The following TMEM127 variants were observed in gnomAD, a reference collection of about 807,000 sequenced individuals.
TMEM127 encodes transmembrane protein 127.
In TMEM127, 21 loss-of-function variants were observed where a neutral mutation model predicts 20.1. The observed-to-expected ratio is 1.04, with a 90% CI of 0.74 to 1.50. TMEM127 has a LOEUF of 1.50. Among genes scored for constraint, TMEM127 ranks in the 40% most tolerant of loss-of-function variants. The pLI is 0.00. For missense variants in TMEM127, 303 were observed against 317.4 expected (o/e 0.95, Z 0.34); for synonymous variants, 150 against 144.7 (o/e 1.04, Z -0.26).
chr2:96,265,245 G>C lies in TMEM127; in HGVS notation c.137C>G (p.Thr46Ser), dbSNP rs1327376770. ...PGALSITALC[T>S]ALAEPAWLHI... ...CAACCAGGCGGGCTCGGCGAGGGCA[G>C]TGCACAGCGCCGTGATAGACAGGGC... Residue 46 changes from threonine to serine, a missense_variant, in exon 2 of 4, where the codon ACT (threonine) becomes AGT (serine). Physicochemically the swap from Thr to Ser is moderately conservative, Grantham distance 58. Transcript: ENST00000258439. 3 of 1,595,728 alleles carry C rather than the reference G, an allele frequency of 1.9e-6. No individual in the cohort carries two copies. The highest frequency in any genetic ancestry group is 2.6e-6 in the Non-Finnish European group (3 of 1,175,008).
intron 3 of TMEM127, 71 bp from the exon 4 acceptor site, chr2:96,254,186 A>G: frequency 6.3e-7 from 1 of 1,585,148 alleles, no homozygotes; most frequent in Non-Finnish European, 8.6e-7. Context: ...TGAGGACCCA[A>G]TCACAGCCTC....
chr2:96,253,551 G>A lies in TMEM127; in HGVS notation c.*257C>T. Reference sequence around the variant, plus strand: ...GAAACTTGGATGACCTTCCCTGGCTGGTAATGACTCGTGAATGTGAAGGGG... The same window carrying A: ...GAAACTTGGATGACCTTCCCTGGCTAGTAATGACTCGTGAATGTGAAGGGG... On this transcript the variant is annotated 3_prime_UTR_variant, in exon 4 of 4. Transcript: ENST00000258439. The surrounding 1 kb of genome is among the most constrained non-coding windows in gnomAD (Gnocchi z 4.3). 1 of 512,168 alleles carries A rather than the reference G, an allele frequency of 2.0e-6. No individual in the cohort carries two copies. The highest frequency in any genetic ancestry group is 3.5e-6 in the Non-Finnish European group (1 of 288,138). 31.7% of individuals were successfully genotyped at this position (512,168 alleles called of 1,614,324 possible).
In TMEM127 at chr2:96,249,003, A is replaced by G. The variant is rs62153027; in HGVS notation, c.*4805T>C. The G allele has an allele frequency of 0.022, 5,132 of 232,534 alleles. 75 individuals carry two copies. Among genetic ancestry groups the G allele is most frequent in the Non-Finnish European group, 0.033 (3,909 of 117,744 alleles). 14.4% of individuals were successfully genotyped at this position (232,534 alleles called of 1,614,324 possible). ...AACCCTCCAGCTCTGAGATCAGCCA[A>G]TCTTCCCTGGGCACTGCTCTCTCCC... On this transcript the variant is annotated 3_prime_UTR_variant, in exon 4 of 4. Coordinates refer to ENST00000258439, the MANE Select transcript of TMEM127 (RefSeq NM_017849.4).
intron 2 of TMEM127, 29 bp from the exon 3 acceptor site, chr2:96,255,026 C>T (rs1423081520): frequency 6.2e-7 from 1 of 1,613,694 alleles, no homozygotes; most frequent in African/African-American, 1.3e-5. Context: ...ATTTTCACGG[C>T]CCCAAGTAAC....
chr2:96,254,786 C>T, intron 3 of TMEM127, 47 bp downstream of exon 3: 2 of 1,612,572 alleles, frequency 1.2e-6, no homozygotes, highest in Non-Finnish European at 8.5e-7. Context: ...AGGATGCCCC[C>T]ACCCTGTAGC....
At chr2:96,262,867 T>C (rs1684336748) in intron 2 of TMEM127, among the ~76,000 whole-genome samples, 1 of 152,040 alleles carries the variant, frequency 6.6e-6, no homozygotes, top group South Asian at 2.1e-4. Context: ...TTAGTTGAGA[T>C]GGGGTTTCAC....
rs1558756480 is a variant in TMEM127 at position 96,265,151 on chromosome 2, C to T, written c.231G>A (p.Pro77=). The change falls in exon 2 of 4, where the codon CCG becomes CCA. Residue 77 remains proline (P), a synonymous_variant. Transcript: ENST00000258439. ...CAGCACCCTCACCTTTCAGCAGGTC[C>T]GGGTGCACATAGCCCAACACGTCGG... ...GVSDVLGYVH[P]DLLKDFCMNP... is the part of the protein sequence containing the mutation. 6.2e-7 allele frequency: 1 copy of T among 1,611,922 alleles called. No homozygotes were observed. Among genetic ancestry groups the T allele is most frequent in the Non-Finnish European group, 8.5e-7 (1 of 1,179,682 alleles).
At chr2:96,256,890 G>A (rs2104292181) in intron 2 of TMEM127, among the ~76,000 whole-genome samples, 1 of 152,308 alleles carries the variant, frequency 6.6e-6, no homozygotes, top group East Asian at 1.9e-4. Context: ...AAGGGACTCA[G>A]CAGACTCGGC....
intron 3 of TMEM127, 135 bp from the exon 4 acceptor site, chr2:96,254,250 G>A (rs184994982): frequency 6.7e-6 from 8 of 1,197,526 alleles, no homozygotes; most frequent in African/African-American, 1.5e-5. Flanking sequence ...TCTGCAAGGA[G>A]GAGCTCTCTT....
rs907449197 is a variant in TMEM127 at position 96,249,014 on chromosome 2, G to A, written c.*4794C>T. 2 of 233,876 alleles carry A rather than the reference G, an allele frequency of 8.6e-6. No homozygotes were observed. The highest frequency in any genetic ancestry group is 1.7e-5 in the Non-Finnish European group (2 of 118,808). 14.5% of individuals were successfully genotyped at this position (233,876 alleles called of 1,614,324 possible). On this transcript the variant is annotated 3_prime_UTR_variant, in exon 4 of 4. Transcript: ENST00000258439. ...TCTGAGATCAGCCAATCTTCCCTGG[G>A]CACTGCTCTCTCCCCCAGCAAAAAA...
chr2:96,257,891 GGTGACAGA>G lies in TMEM127; in HGVS notation c.245-2902_245-2895del, dbSNP rs1482124994. Among the ~76,000 whole-genome samples, 7 of 151,606 alleles carry G rather than the reference GGTGACAGA, an allele frequency of 4.6e-5. No homozygotes were observed. The Admixed American group carries it at 4.6e-4, about 10-fold the overall frequency. ...GATCACATCACTGCACTCCAGCCTT[GGTGACAGA>G]GTGACTCCGCCTCAAAAAAAAAAGT... On this transcript the variant is annotated intron_variant, in intron 2 of 3. Transcript: ENST00000258439.
Position 96,252,321 on chromosome 2 carries a change from A to G in TMEM127, c.*1487T>C. The G allele has an allele frequency of 4.3e-6, 1 of 233,092 alleles. No individual in the cohort carries two copies. Among genetic ancestry groups the G allele is most frequent in the East Asian group, 6.0e-5 (1 of 16,558 alleles). The allele number at this position is 233,092 out of a possible 1,614,324, so 14.4% of individuals were successfully genotyped here. On this transcript the variant is annotated 3_prime_UTR_variant, in exon 4 of 4. Transcript: ENST00000258439. The surrounding 1 kb of genome is among the most constrained non-coding windows in gnomAD (Gnocchi z 4.2). The stretch of plus-strand genomic sequence containing the variant: ...TAAAGGTTGGAAGAGATTGGAATCC[A>G]TTTCCTTTTCAGCTCAGCAGGGGAC...
chr2:96,249,605 A>G lies in TMEM127; in HGVS notation c.*4203T>C. Reference sequence around the variant, plus strand: ...AGACTGTCTCTACCCACCCCCACAAAAAAAACATTTTCTCTTCTCCACAAA... The same window carrying G: ...AGACTGTCTCTACCCACCCCCACAAGAAAAACATTTTCTCTTCTCCACAAA... On this transcript the variant is annotated 3_prime_UTR_variant, in exon 4 of 4. Coordinates refer to ENST00000258439, the MANE Select transcript of TMEM127 (RefSeq NM_017849.4). 4.3e-6 allele frequency: 1 copy of G among 231,870 alleles called. No individual in the cohort carries two copies. Among genetic ancestry groups the G allele is most frequent in the Non-Finnish European group, 8.5e-6 (1 of 117,240 alleles). The allele number at this position is 231,870 out of a possible 1,614,324, so 14.4% of individuals were successfully genotyped here. A position where few individuals can be genotyped will look rare whatever the true frequency, so the allele number is the denominator to read the frequency against.
In TMEM127 at chr2:96,251,989, G is replaced by A. The variant is rs551671260; in HGVS notation, c.*1819C>T. ...CCAATGACAAACTCAGGACTTAACA[G>A]AAAGACTTAGTTCAGTTCCTTGGCT... On this transcript the variant is annotated 3_prime_UTR_variant, in exon 4 of 4. Coordinates refer to ENST00000258439, the MANE Select transcript of TMEM127 (RefSeq NM_017849.4). 4 of 233,246 alleles carry A rather than the reference G, an allele frequency of 1.7e-5. No homozygotes were observed. In the East Asian group the frequency reaches 2.4e-4, roughly 14 times the overall value. The allele number at this position is 233,246 out of a possible 1,614,324, so 14.4% of individuals were successfully genotyped here. A position where few individuals can be genotyped will look rare whatever the true frequency, so the allele number is the denominator to read the frequency against.
In TMEM127 at chr2:96,265,268, G is replaced by A. The variant is rs771646015; in HGVS notation, c.114C>T (p.Ala38=). 6.3e-7 allele frequency: 1 copy of A among 1,582,578 alleles called. No individual in the cohort carries two copies. Among genetic ancestry groups the A allele is most frequent in the African/African-American group, 1.3e-5 (1 of 74,630 alleles). Residue 38 remains alanine, a synonymous_variant, in exon 2 of 4, where the codon GCC becomes GCT. Transcript: ENST00000258439. ...CAGTGCACAGCGCCGTGATAGACAG[G>A]GCGCCAGGCAGGGCCGAGGCCAGGC... ...ERSLASALPG[A]LSITALCTAL...
chr2:96,257,630 G>A (rs1447046640), intron 2 of TMEM127, among the ~76,000 whole-genome samples: 1 of 151,282 alleles, frequency 6.6e-6, no homozygotes, highest in Non-Finnish European at 1.5e-5. Context: ...AAGTAGAAAT[G>A]GGGTCGGGCA....
At chr2:96,254,539 A>G (rs1397406018) in intron 3 of TMEM127, among the ~76,000 whole-genome samples, 5 of 152,186 alleles carry the variant, frequency 3.3e-5, no homozygotes, top group Middle Eastern at 3.2e-3. Context: ...TTCTTCACTC[A>G]TGTCAGGTCT....
intron 2 of TMEM127, 107 bp downstream of exon 2, chr2:96,265,031 G>A (rs1573977446): frequency 1.3e-6 from 2 of 1,541,438 alleles, no homozygotes; most frequent in East Asian, 4.8e-5. Flanking sequence ...GGCAGTTATG[G>A]GGCCGTTTCC....
intron 2 of TMEM127, among the ~76,000 whole-genome samples, chr2:96,258,092 TG>T (rs1684246598): frequency 6.6e-6 from 1 of 152,108 alleles, no homozygotes; most frequent in Admixed American, 6.5e-5. Flanking sequence ...TGAGAGGGTG[TG>T]GGGTGTGATC....
Sources: gnomAD v4.1 joint callset for allele counts (sites outside exome capture counted in the v4.1 genomes callset) on GRCh38, gnomAD v4.1.1 for gene constraint, Gnocchi (gnomAD v3.1) non-coding constraint, MANE v1.5 for transcripts, NCBI Gene and HGNC (gene_info 2026-07-23, HGNC 2026-07-21) for gene names.